TRAPPC11: variants seen among roughly 807,000 people sequenced by gnomAD.
TRAPPC11 encodes foie gras homolog.
TRAPPC11 carries 104 observed loss-of-function variants against 151.2 expected under a neutral mutation model. The ratio of observed to expected loss-of-function variants is 0.69; its 90% CI spans 0.59 to 0.81. The LOEUF (loss-of-function observed/expected upper bound fraction) is 0.81. TRAPPC11 is among the 30% of genes least tolerant of loss of function. TRAPPC11 has a pLI of 0.00. For synonymous variants in TRAPPC11, 456 were observed against 472.3 expected (o/e 0.97, Z 0.45); for missense variants, 1,230 against 1,349.6 (o/e 0.91, Z 1.39).
chr4:183,661,459 C>T (rs1333280052), intron 1 of TRAPPC11, among the ~76,000 whole-genome samples: 4 of 148,756 alleles, frequency 2.7e-5, no homozygotes, highest in South Asian at 2.1e-4. Context: ...GCAAGCTCCG[C>T]CTCCCGGGTT....
intron 24 of TRAPPC11, 39 bp downstream of exon 24, chr4:183,697,607 A>G (rs764167900): frequency 2.5e-6 from 4 of 1,605,268 alleles, no homozygotes; most frequent in African/African-American, 2.7e-5. Flanking sequence ...CATTTAGGTT[A>G]TAAAAATGGA....
At chr4:183,700,284 C>A (rs918028339) in intron 25 of TRAPPC11, among the ~76,000 whole-genome samples, 1 of 152,170 alleles carries the variant, frequency 6.6e-6, no homozygotes, top group African/African-American at 2.4e-5. Flanking sequence ...AAGTCTTTAA[C>A]ATTACATAAA....
chr4:183,689,482 A>G (rs1469266078), intron 18 of TRAPPC11, among the ~76,000 whole-genome samples: 2 of 151,910 alleles, frequency 1.3e-5, no homozygotes, highest in Non-Finnish European at 2.9e-5. Context: ...TACTAATCAC[A>G]CTGTGGTTTC....
rs767311471 is a variant in TRAPPC11, at chr4:183,707,280, G to GTGTA, written c.3189+342_3189+343insTATG. Among the ~76,000 whole-genome samples, 1,284 of 152,050 alleles carry GTGTA rather than the reference G, an allele frequency of 8.4e-3. 15 individuals carry two copies. Among genetic ancestry groups the GTGTA allele is most frequent in the African/African-American group, 0.03 (1,229 of 41,462 alleles). ...TGTGTGTGTGTGTGTGTGTGTGTGTGTGAGGCCTGGAGACTTCACTGTCCT... is the reference window on the plus strand; with the variant it reads ...TGTGTGTGTGTGTGTGTGTGTGTGTGTGTATGAGGCCTGGAGACTTCACTGTCCT... On this transcript the variant is annotated intron_variant, in intron 28 of 29. Coordinates refer to ENST00000334690, the MANE Select transcript of TRAPPC11 (RefSeq NM_021942.6).
At chr4:183,698,319 A>G (rs1213022837) in intron 25 of TRAPPC11, among the ~76,000 whole-genome samples, 2 of 152,212 alleles carry the variant, frequency 1.3e-5, no homozygotes, top group Non-Finnish European at 2.9e-5. Context: ...AAAAAGTACT[A>G]ATAATATCTT....
chr4:183,706,678 G>A lies in TRAPPC11; in HGVS notation c.3056-129G>A, dbSNP rs577726752. On this transcript the variant is annotated intron_variant, in intron 27 of 29. Transcript: ENST00000334690. ...GTCCAATCAAAGAATTTTCTTATCC[G>A]GCAAGAGTACAGTAACGTCATTAAT... 151 of 984,808 alleles carry A rather than the reference G, an allele frequency of 1.5e-4. No homozygotes were observed. In the African/African-American group the frequency reaches 2.2e-3, roughly 15 times the overall value. 61.0% of individuals were successfully genotyped at this position (984,808 alleles called of 1,614,324 possible).
At chr4:183,705,266 T>C (rs910082615) in intron 27 of TRAPPC11, among the ~76,000 whole-genome samples, 196 bp downstream of exon 27, 6 of 152,174 alleles carry the variant, frequency 3.9e-5, no homozygotes, top group African/African-American at 1.4e-4. Flanking sequence ...AATCCCTAGA[T>C]ACAAAGCCAT....
At chr4:183,711,365 G>A (rs1424910101) in intron 29 of TRAPPC11, among the ~76,000 whole-genome samples, 2 of 152,176 alleles carry the variant, frequency 1.3e-5, no homozygotes, top group African/African-American at 2.4e-5. Flanking sequence ...AGACAGTGAC[G>A]TCCTAGGCAA....
intron 26 of TRAPPC11, among the ~76,000 whole-genome samples, chr4:183,703,855 T>C (rs748708209): frequency 6.6e-6 from 1 of 152,224 alleles, no homozygotes; most frequent in Admixed American, 6.5e-5. Flanking sequence ...TTACTTCAGC[T>C]CCATAAATAT....
At chr4:183,697,475 T>C (rs1736592702) in intron 23 of TRAPPC11, 28 bp from the exon 24 acceptor site, 4 of 1,584,340 alleles carry the variant, frequency 2.5e-6, no homozygotes, top group Non-Finnish European at 3.4e-6. Flanking sequence ...AGAAAATCCA[T>C]GAATGTGCCC....
chr4:183,684,941 G>T (rs539305521), intron 15 of TRAPPC11, 100 bp downstream of exon 15: 16 of 1,318,766 alleles, frequency 1.2e-5, no homozygotes, highest in Non-Finnish European at 1.6e-5. Flanking sequence ...CAGATAATTA[G>T]TATACTTTAC....
chr4:183,671,719 C>T (rs978466575), intron 5 of TRAPPC11, among the ~76,000 whole-genome samples: 3 of 152,122 alleles, frequency 2.0e-5, no homozygotes, highest in African/African-American at 7.2e-5. Flanking sequence ...AATCGGTGCT[C>T]GTTTTTCAAA....
At chr4:183,709,115 G>T (rs182853280) in intron 29 of TRAPPC11, among the ~76,000 whole-genome samples, 8 of 152,136 alleles carry the variant, frequency 5.3e-5, no homozygotes, top group African/African-American at 1.7e-4. Context: ...ACCTCTGATT[G>T]TCACTCCCTG....
chr4:183,677,940 CTT>C (rs199638936), intron 8 of TRAPPC11, among the ~76,000 whole-genome samples: 66,897 of 140,118 alleles, frequency 0.48, 15,569 homozygotes, highest in African/African-American at 0.58. Context: ...TTAGAGGAAA[CTT>C]TTTTTTTTTT....
intron 18 of TRAPPC11, among the ~76,000 whole-genome samples, chr4:183,687,927 G>A (rs963982676): frequency 5.9e-5 from 9 of 151,940 alleles, no homozygotes; most frequent in African/African-American, 9.7e-5. Context: ...TTTTTTTCTT[G>A]CAGAATTGGG....
chr4:183,687,185 T>A lies in TRAPPC11; in HGVS notation c.1893+437T>A, dbSNP rs551700774. On this transcript the variant is annotated intron_variant, in intron 18 of 29. Coordinates refer to ENST00000334690, the MANE Select transcript of TRAPPC11 (RefSeq NM_021942.6). ...ACAGAGCAAGATCTGTGTCAAAAAA[T>A]ATATATATATATATGTTTCTAAACT... 5.5e-3 allele frequency among the ~76,000 whole-genome samples: 828 copies of A among 150,904 alleles called. 4 individuals carry two copies. The highest frequency in any genetic ancestry group is 0.017 in the African/African-American group (716 of 41,194).
chr4:183,687,616 A>C (rs1229120101), intron 18 of TRAPPC11, among the ~76,000 whole-genome samples: 1 of 152,194 alleles, frequency 6.6e-6, no homozygotes, highest in Non-Finnish European at 1.5e-5. Context: ...GGTGTGAGGC[A>C]TCACATCTGG....
In TRAPPC11 at chr4:183,668,063, G is replaced by T. The variant is rs1385988974; in HGVS notation, c.506G>T (p.Gly169Val). The change falls in exon 5 of 30, where the codon GGA becomes GTA. Residue 169 changes from glycine (G) to valine (V), a missense_variant. Transcript: ENST00000334690. The part of the protein sequence containing the change: ...AALCNACELS[G>V]KSLFVLPHTD... ...TTATGCAATGCATGTGAACTCTCAG[G>T]AAAGTCTTTGTTTGTACTGCCGCAC... The T allele has an allele frequency of 1.2e-6, 2 of 1,613,974 alleles. No individual in the cohort carries two copies. The highest frequency in any genetic ancestry group is 1.7e-6 in the Non-Finnish European group (2 of 1,179,874).
At chr4:183,707,574 A>G (rs140323517) in intron 28 of TRAPPC11, among the ~76,000 whole-genome samples, 1 of 152,294 alleles carries the variant, frequency 6.6e-6, no homozygotes, top group Non-Finnish European at 1.5e-5. Context: ...AAAGTCAGGA[A>G]ATACTTTTTA....
Sources: allele counts gnomAD v4.1 joint callset (sites outside exome capture counted in the v4.1 genomes callset), GRCh38; gene constraint gnomAD v4.1.1; transcripts MANE v1.5; gene names NCBI Gene and HGNC (gene_info 2026-07-23, HGNC 2026-07-21).